The following KCTD8 variants were observed in gnomAD, a reference collection of about 807,000 sequenced individuals.
KCTD8 encodes potassium channel tetramerization domain containing 8.
Under a neutral mutation model 31.5 loss-of-function variants are expected in KCTD8, and 27 were observed. The ratio of observed to expected loss-of-function variants is 0.86; its 90% CI spans 0.63 to 1.18. The LOEUF (loss-of-function observed/expected upper bound fraction) is 1.18, where lower values mean the gene tolerates loss of function less well. Among genes scored for constraint, KCTD8 ranks in the 50% most tolerant of loss-of-function variants. KCTD8 has a pLI of 0.00. For synonymous variants in KCTD8, 290 were observed against 280.0 expected, an observed-to-expected ratio of 1.04 and a Z score of -0.36; for missense variants, 658 against 647.7, an observed-to-expected ratio of 1.02 and a Z score of -0.17.
intron 1 of KCTD8, among the ~76,000 whole-genome samples, chr4:44,336,769 A>G (rs1041559084): frequency 1.3e-4 from 20 of 152,216 alleles, no homozygotes; most frequent in Non-Finnish European, 2.2e-4. Flanking sequence ...TGAATAATAA[A>G]CAATAAATGT....
chr4:44,359,570 T>C (rs1454899436), intron 1 of KCTD8, among the ~76,000 whole-genome samples: 1 of 152,132 alleles, frequency 6.6e-6, no homozygotes, highest in Non-Finnish European at 1.5e-5. Flanking sequence ...TGAAGTAAAA[T>C]AAAATTCAGA....
At chr4:44,178,661 G>A (rs1023064365) in intron 1 of KCTD8, among the ~76,000 whole-genome samples, 187 of 152,232 alleles carry the variant, frequency 1.2e-3, no homozygotes, top group Non-Finnish European at 1.7e-3. Context: ...CAGGGCAACA[G>A]AGAATTAGAT....
Position 44,427,329 on chromosome 4 carries a change from C to G in KCTD8, c.961+20234G>C, listed in dbSNP as rs142938941. On this transcript the variant is annotated intron_variant, in intron 1 of 1. Transcript: ENST00000360029. ...GGGGAATCACAAAATTATAAGAAGT[C>G]TAAGAACTGCAATATTAGATATGCT... 7.8e-3 allele frequency among the ~76,000 whole-genome samples: 1,184 copies of G among 151,102 alleles called. 11 individuals are homozygous for G. The highest frequency in any genetic ancestry group is 0.018 in the South Asian group (87 of 4,790).
chr4:44,235,545 A>T lies in KCTD8; in HGVS notation c.962-60295T>A, dbSNP rs1205802251. Among the ~76,000 whole-genome samples, 4 of 45,468 alleles carry T rather than the reference A, an allele frequency of 8.8e-5. 1 individual carries two copies. Among genetic ancestry groups the T allele is most frequent in the African/African-American group, 6.9e-4 (4 of 5,814 alleles). 29.8% of individuals were successfully genotyped at this position (45,468 alleles called of 152,430 possible). On this transcript the variant is annotated intron_variant, in intron 1 of 1. Coordinates refer to ENST00000360029, the MANE Select transcript of KCTD8 (RefSeq NM_198353.3). ...CTGGATTATATATATATATATATATATATATATATATATATATATATATAT... is the reference window on the plus strand; with the variant it reads ...CTGGATTATATATATATATATATATTTATATATATATATATATATATATAT...
chr4:44,347,132 T>C (rs1237715299), intron 1 of KCTD8, among the ~76,000 whole-genome samples: 1 of 152,202 alleles, frequency 6.6e-6, no homozygotes, highest in Non-Finnish European at 1.5e-5. Flanking sequence ...TTCCAGACCT[T>C]CTTAAAGTGA....
At chr4:44,200,896 T>C (rs1240245751) in intron 1 of KCTD8, among the ~76,000 whole-genome samples, 3 of 146,428 alleles carry the variant, frequency 2.0e-5, no homozygotes, top group Non-Finnish European at 4.6e-5. Context: ...ATATGATCTA[T>C]ACAGAGAAAT....
chr4:44,284,180 T>C (rs1400386788), intron 1 of KCTD8, among the ~76,000 whole-genome samples: 1 of 152,160 alleles, frequency 6.6e-6, no homozygotes, highest in Non-Finnish European at 1.5e-5. Context: ...AAGACAATCC[T>C]GGGCAAGAAG....
At chr4:44,282,136 G>T (rs1011278364) in intron 1 of KCTD8, among the ~76,000 whole-genome samples, 9 of 151,066 alleles carry the variant, frequency 6.0e-5, no homozygotes, top group East Asian at 1.9e-4. Context: ...CAGATGTTGT[G>T]TTTTTTTTTA....
At chr4:44,293,493 G>T (rs1240799294) in intron 1 of KCTD8, 1 of 452,498 alleles carries the variant, frequency 2.2e-6, no homozygotes, top group African/African-American at 2.0e-5. Flanking sequence ...CAAACCTAGA[G>T]GTAGCAAAGG....
At chr4:44,378,221 T>TTA (rs1306473736) in intron 1 of KCTD8, among the ~76,000 whole-genome samples, 61 of 133,290 alleles carry the variant, frequency 4.6e-4, no homozygotes, top group African/African-American at 1.5e-3. Context: ...TATGTATATT[T>TTA]TATATATATA....
chr4:44,260,068 T>A (rs1188569478), intron 1 of KCTD8, among the ~76,000 whole-genome samples: 1 of 151,836 alleles, frequency 6.6e-6, no homozygotes, highest in South Asian at 2.1e-4. Context: ...TGTATACTAG[T>A]CTTTGAACTT....
intron 1 of KCTD8, among the ~76,000 whole-genome samples, chr4:44,375,367 G>A (rs1719892582): frequency 6.6e-6 from 1 of 152,122 alleles, no homozygotes; most frequent in Admixed American, 6.6e-5. Flanking sequence ...ACATACAAAT[G>A]AAGGAAGATA....
intron 1 of KCTD8, among the ~76,000 whole-genome samples, chr4:44,344,841 T>C (rs528787631): frequency 6.6e-6 from 1 of 152,360 alleles, no homozygotes; most frequent in East Asian, 1.9e-4. Context: ...GGCCACCATT[T>C]GAGAAACACT....
chr4:44,381,148 A>T (rs1489014162), intron 1 of KCTD8, among the ~76,000 whole-genome samples: 1 of 152,050 alleles, frequency 6.6e-6, no homozygotes, highest in African/African-American at 2.4e-5. Context: ...ATTATTACTC[A>T]TGGTAGTATT....
At chr4:44,415,977 G>T (rs952638871) in intron 1 of KCTD8, among the ~76,000 whole-genome samples, 21 of 152,170 alleles carry the variant, frequency 1.4e-4, no homozygotes, top group African/African-American at 5.1e-4. Flanking sequence ...CTTGCATCCT[G>T]AGCCTGCCAG....
At chr4:44,230,273 C>T (rs2109352164) in intron 1 of KCTD8, among the ~76,000 whole-genome samples, 1 of 152,206 alleles carries the variant, frequency 6.6e-6, no homozygotes. Context: ...GTATTCATTC[C>T]TATATAGTTG....
At chr4:44,227,822 A>G (rs1715008512) in intron 1 of KCTD8, among the ~76,000 whole-genome samples, 1 of 152,192 alleles carries the variant, frequency 6.6e-6, no homozygotes, top group Non-Finnish European at 1.5e-5. Context: ...TTCTTAAAAT[A>G]TATATCAAAT....
rs1292651055 is a variant in KCTD8 at position 44,448,396 on chromosome 4, G to A, written c.128C>T (p.Pro43Leu). 6.3e-7 allele frequency: 1 copy of A among 1,584,778 alleles called. No individual in the cohort carries two copies. Among genetic ancestry groups the A allele is most frequent in the Non-Finnish European group, 8.6e-7 (1 of 1,169,204 alleles). ...GCCTACGTTCAGCTCCACTACTTCA[G>A]GGAAGGGCGAGGGTGCGCAGGGCCC... ...APGPCAPSPF[P>L]EVVELNVGGQ... The change falls in exon 1 of 2, where the codon CCT becomes CTT. Residue 43 changes from proline (P) to leucine (L), a missense_variant. Physicochemically the swap from Pro to Leu is moderately conservative, Grantham distance 98 (BLOSUM62 -3). Transcript: ENST00000360029. This position sits in a 1 kb window ranked among gnomAD's most constrained non-coding sequence, Gnocchi z 4.1.
intron 1 of KCTD8, among the ~76,000 whole-genome samples, chr4:44,305,656 A>G (rs1246470243): frequency 6.6e-6 from 1 of 151,920 alleles, no homozygotes; most frequent in Admixed American, 6.6e-5. Context: ...AGACAAAAAC[A>G]ATTCAATGAG....
Sources: gnomAD v4.1 joint callset for allele counts (sites outside exome capture counted in the v4.1 genomes callset) on GRCh38, gnomAD v4.1.1 for gene constraint, Gnocchi (gnomAD v3.1) non-coding constraint, MANE v1.5 for transcripts, NCBI Gene and HGNC (gene_info 2026-07-23, HGNC 2026-07-21) for gene names.